PKIB: variants seen among roughly 807,000 people sequenced by gnomAD.
PKIB encodes PKI-beta.
Under a neutral mutation model 4.5 loss-of-function variants are expected in PKIB, and 2 were observed. That is an observed-to-expected ratio of 0.44 (90% confidence interval 0.18 to 1.39). The LOEUF is 1.39. Ranked by LOEUF, PKIB falls within the 40% of genes most tolerant of loss-of-function variation. PKIB has a pLI of 0.27. For missense variants in PKIB, 94 were observed against 92.6 expected, an observed-to-expected ratio of 1.02 and a Z score of -0.06; for synonymous variants, 38 against 36.0, an observed-to-expected ratio of 1.06 and a Z score of -0.20.
intron 3 of PKIB, among the ~76,000 whole-genome samples, chr6:122,699,068 G>C (rs1778690767): frequency 6.6e-6 from 1 of 152,018 alleles, no homozygotes; most frequent in Admixed American, 6.6e-5. Flanking sequence ...TGTGCTCCTG[G>C]AGAAAGGTGG....
chr6:122,624,875 G>T (rs1192603695), intron 1 of PKIB, among the ~76,000 whole-genome samples: 1 of 152,140 alleles, frequency 6.6e-6, no homozygotes, highest in Non-Finnish European at 1.5e-5. Context: ...GTCTACTAAG[G>T]TTCATGATAC....
At chr6:122,605,141 A>T (rs2114747040) in intron 3 of PKIB, among the ~76,000 whole-genome samples, 1 of 152,320 alleles carries the variant, frequency 6.6e-6, no homozygotes, top group Admixed American at 6.5e-5. Flanking sequence ...GTTGCAGGAC[A>T]ACATACTTAG....
chr6:122,640,606 C>T (rs183280096), intron 2 of PKIB, among the ~76,000 whole-genome samples: 3 of 152,148 alleles, frequency 2.0e-5, no homozygotes, highest in Non-Finnish European at 4.4e-5. Flanking sequence ...TAATCAATTC[C>T]TATTTTTCAA....
chr6:122,593,858 G>GC, intron 3 of PKIB, among the ~76,000 whole-genome samples: 1 of 152,068 alleles, frequency 6.6e-6, no homozygotes. Flanking sequence ...GCCTTCCCAA[G>GC]CCCACTGACT....
At chr6:122,539,058 T>C (rs1468168145) in intron 2 of PKIB, among the ~76,000 whole-genome samples, 5 of 152,240 alleles carry the variant, frequency 3.3e-5, no homozygotes, top group Admixed American at 2.6e-4. Context: ...CTGAAGTTGC[T>C]TATCAGCTTA....
intron 2 of PKIB, among the ~76,000 whole-genome samples, chr6:122,557,064 G>A (rs1772865506): frequency 6.6e-6 from 1 of 152,026 alleles, no homozygotes; most frequent in Non-Finnish European, 1.5e-5. Context: ...AAATACAAAA[G>A]AAATAGCCAG....
chr6:122,668,748 C>T (rs1183078702), intron 2 of PKIB, among the ~76,000 whole-genome samples: 1 of 152,178 alleles, frequency 6.6e-6, no homozygotes, highest in African/African-American at 2.4e-5. Flanking sequence ...TAGCACATCT[C>T]ACAAGTGATA....
intron 4 of PKIB, 56 bp from the exon 5 acceptor site, chr6:122,725,072 A>G: frequency 7.6e-7 from 1 of 1,318,656 alleles, no homozygotes; most frequent in Non-Finnish European, 1.1e-6. Context: ...TTATTCTAAC[A>G]TAATACAAAA....
At chr6:122,541,824 C>G (rs1240512548) in intron 2 of PKIB, among the ~76,000 whole-genome samples, 1 of 151,824 alleles carries the variant, frequency 6.6e-6, no homozygotes, top group Non-Finnish European at 1.5e-5. Context: ...GTACACCAAT[C>G]AGACGTAGAT....
chr6:122,588,804 T>G (rs1168264793), intron 3 of PKIB, among the ~76,000 whole-genome samples: 2 of 152,154 alleles, frequency 1.3e-5, no homozygotes, highest in Non-Finnish European at 2.9e-5. Flanking sequence ...GATATATAAA[T>G]TTCTGAGAAA....
intron 2 of PKIB, among the ~76,000 whole-genome samples, chr6:122,536,961 A>G (rs1777424044): frequency 6.6e-6 from 1 of 150,388 alleles, no homozygotes; most frequent in Non-Finnish European, 1.5e-5. Flanking sequence ...ATTGCCTGCT[A>G]GAAAAAAAAT....
At chr6:122,506,116 C>G (rs1052227915) in intron 2 of PKIB, among the ~76,000 whole-genome samples, 3 of 151,942 alleles carry the variant, frequency 2.0e-5, no homozygotes, top group Non-Finnish European at 2.9e-5. Context: ...GAAGGAGAGG[C>G]TTTTTAAGGT....
intron 1 of PKIB, among the ~76,000 whole-genome samples, chr6:122,627,070 T>A (rs1386169442): frequency 1.8e-5 from 2 of 108,320 alleles, no homozygotes; most frequent in African/African-American, 7.2e-5. Context: ...CCGTCTCTAC[T>A]AAAAAAAAAA....
At chr6:122,645,857 T>C (rs1490242434) in intron 2 of PKIB, among the ~76,000 whole-genome samples, 2 of 152,224 alleles carry the variant, frequency 1.3e-5, no homozygotes, top group East Asian at 3.9e-4. Context: ...TGCAGACTCA[T>C]GTGATGGTCA....
rs954335302 is a variant in PKIB, at chr6:122,685,978, C to T, written c.-9+10834C>T. ...CCAATTCCATCCATGTTGTTGCAAA[C>T]GACAGTATCTCATTCTTTTTATGGC... On this transcript the variant is annotated intron_variant, in intron 3 of 4. Coordinates refer to ENST00000368452, the MANE Select transcript of PKIB (RefSeq NM_181795.3). Among the ~76,000 whole-genome samples, 55 of 152,140 alleles carry T rather than the reference C, an allele frequency of 3.6e-4. 1 individual carries two copies. The highest frequency in any genetic ancestry group is 7.2e-4 in the Admixed American group (11 of 15,272).
At chr6:122,481,705 G>T (rs1011484227) in intron 2 of PKIB, 1 of 152,104 alleles carries the variant, frequency 6.6e-6, no homozygotes, top group Non-Finnish European at 1.5e-5. Flanking sequence ...CACACACATT[G>T]TGTAAAGTAA....
intron 1 of PKIB, among the ~76,000 whole-genome samples, chr6:122,632,445 G>A (rs1036839370): frequency 6.6e-6 from 1 of 152,162 alleles, no homozygotes; most frequent in Non-Finnish European, 1.5e-5. Flanking sequence ...CTGAGTGAAA[G>A]GGCGTCTGGT....
chr6:122,553,211 A>G (rs190126286), intron 2 of PKIB, among the ~76,000 whole-genome samples: 1 of 152,160 alleles, frequency 6.6e-6, no homozygotes, highest in East Asian at 1.9e-4. Flanking sequence ...GGCTACCCTG[A>G]CCACCTGTAT....
intron 3 of PKIB, among the ~76,000 whole-genome samples, chr6:122,691,773 C>T (rs1294778802): frequency 6.6e-6 from 1 of 151,958 alleles, no homozygotes; most frequent in Admixed American, 6.6e-5. Flanking sequence ...GGTGTTTGGG[C>T]CTTGAAGAGT....
Sources: gnomAD v4.1 joint callset for allele counts (sites outside exome capture counted in the v4.1 genomes callset) on GRCh38, gnomAD v4.1.1 for gene constraint, MANE v1.5 for transcripts, NCBI Gene and HGNC (gene_info 2026-07-23, HGNC 2026-07-21) for gene names.